The following DCC variants were observed in gnomAD, a reference collection of about 807,000 sequenced individuals.
The protein encoded by DCC is DCC netrin 1 receptor.
A neutral mutation model predicts 172.5 loss-of-function variants in DCC; 58 were observed. The observed-to-expected ratio is 0.34, with a 90% CI of 0.27 to 0.42. DCC has a LOEUF of 0.42. Among genes scored for constraint, DCC ranks in the 10% least tolerant of loss-of-function variants. The probability of loss-of-function intolerance (pLI) is 1.00; values close to 1 mark genes in which losing one functional copy is unlikely to be tolerated. For synonymous variants in DCC, 709 were observed against 644.5 expected, an observed-to-expected ratio of 1.10 and a Z score of -1.52; for missense variants, 1,740 against 1,791.0, an observed-to-expected ratio of 0.97 and a Z score of 0.51.
intron 15 of DCC, among the ~76,000 whole-genome samples, chr18:53,376,255 G>T (rs1160377052): frequency 2.6e-5 from 4 of 151,984 alleles, no homozygotes; most frequent in African/African-American, 9.7e-5. Context: ...GTGTTGGTGG[G>T]TGCCTGTACT....
intron 5 of DCC, among the ~76,000 whole-genome samples, chr18:53,022,193 A>C (rs920624074): frequency 6.6e-6 from 1 of 152,168 alleles, no homozygotes; most frequent in African/African-American, 2.4e-5. Context: ...CATGAATATA[A>C]ATTTGTAATA....
chr18:52,853,881 C>A (rs2039013964), intron 2 of DCC, among the ~76,000 whole-genome samples: 1 of 152,122 alleles, frequency 6.6e-6, no homozygotes, highest in African/African-American at 2.4e-5. Flanking sequence ...GGAGTCCCAG[C>A]CTTCAGGGTT....
Position 52,602,835 on chromosome 18 carries a change from T to C in DCC, c.92-149219T>C, listed in dbSNP as rs1300637302. On this transcript the variant is annotated intron_variant, in intron 1 of 28. Coordinates refer to ENST00000442544, the MANE Select transcript of DCC (RefSeq NM_005215.4). ...CTTTTTGCCTTATGCCTTAGGTCTA[T>C]TGGTTTAAAATTGCTTTGCACAATT... 2.6e-5 allele frequency among the ~76,000 whole-genome samples: 4 copies of C among 152,208 alleles called. No homozygotes were observed. In the East Asian group the frequency reaches 5.8e-4, roughly 22 times the overall value.
chr18:52,888,560 A>C (rs2039602182), intron 2 of DCC, among the ~76,000 whole-genome samples: 1 of 152,184 alleles, frequency 6.6e-6, no homozygotes, highest in Non-Finnish European at 1.5e-5. Context: ...GATTACTTAA[A>C]AAAAGTACTG....
chr18:53,204,367 C>A (rs995286948), intron 9 of DCC, among the ~76,000 whole-genome samples: 1 of 151,840 alleles, frequency 6.6e-6, no homozygotes, highest in Non-Finnish European at 1.5e-5. Flanking sequence ...CATAGTGAGA[C>A]CCAGTATCTA....
At chr18:53,360,523 A>C (rs1284733530) in intron 15 of DCC, among the ~76,000 whole-genome samples, 1 of 152,186 alleles carries the variant, frequency 6.6e-6, no homozygotes, top group Non-Finnish European at 1.5e-5. Context: ...CTAGGCATTT[A>C]CTGTCTCATT....
chr18:52,417,581 T>G (rs2144421497), intron 1 of DCC, among the ~76,000 whole-genome samples: 1 of 152,290 alleles, frequency 6.6e-6, no homozygotes, highest in Admixed American at 6.5e-5. Flanking sequence ...CTTTTTATTC[T>G]TTTGTCTCTA....
chr18:53,502,506 C>T (rs2046114296), intron 27 of DCC, among the ~76,000 whole-genome samples: 2 of 152,162 alleles, frequency 1.3e-5, no homozygotes, highest in African/African-American at 4.8e-5. Context: ...TAACTACATG[C>T]TTCTTAGACT....
At chr18:53,328,484 T>G (rs2057493232) in intron 14 of DCC, among the ~76,000 whole-genome samples, 2 of 138,190 alleles carry the variant, frequency 1.4e-5, no homozygotes, top group African/African-American at 4.9e-5. Context: ...CTGATTTTTC[T>G]GGTTTTGATA....
intron 2 of DCC, among the ~76,000 whole-genome samples, chr18:52,879,042 A>G (rs1359781107): frequency 6.6e-6 from 1 of 152,176 alleles, no homozygotes; most frequent in Non-Finnish European, 1.5e-5. Flanking sequence ...AGTGTACTAA[A>G]AAGACTCCCA....
intron 2 of DCC, among the ~76,000 whole-genome samples, chr18:52,796,623 A>G (rs886736528): frequency 6.6e-6 from 1 of 152,128 alleles, no homozygotes; most frequent in African/African-American, 2.4e-5. Context: ...TGTTTTATAA[A>G]GCATTTTGAA....
rs1259681044 is a variant in DCC at position 52,524,621 on chromosome 18, T to C, written c.91+183743T>C. Among the ~76,000 whole-genome samples, 8 of 152,332 alleles carry C rather than the reference T, an allele frequency of 5.3e-5. No homozygotes were observed. The East Asian group carries it at 1.5e-3, about 29-fold the overall frequency. ...CAATTATATTTCAATATTTATTTTA[T>C]AAAAATGAAGTTACTAAGAATAAAT... On this transcript the variant is annotated intron_variant, in intron 1 of 28. Coordinates refer to ENST00000442544, the MANE Select transcript of DCC (RefSeq NM_005215.4).
At chr18:53,254,711 A>T (rs2056482486) in intron 12 of DCC, among the ~76,000 whole-genome samples, 1 of 151,990 alleles carries the variant, frequency 6.6e-6, no homozygotes, top group African/African-American at 2.4e-5. Flanking sequence ...GATTATTCTG[A>T]ATGTCCCCTT....
intron 8 of DCC, among the ~76,000 whole-genome samples, chr18:53,172,944 T>A (rs142563557): frequency 3.3e-5 from 5 of 152,234 alleles, no homozygotes; most frequent in Non-Finnish European, 4.4e-5. Flanking sequence ...AATCTCACTT[T>A]CTATATGTAA....
chr18:52,948,008 A>G (rs1015727841), intron 5 of DCC, among the ~76,000 whole-genome samples: 2 of 152,202 alleles, frequency 1.3e-5, no homozygotes, highest in Non-Finnish European at 2.9e-5. Context: ...TAAAAAATAC[A>G]TTATCATGAA....
chr18:53,504,523 G>A (rs879759202), intron 27 of DCC, among the ~76,000 whole-genome samples: 3 of 152,126 alleles, frequency 2.0e-5, no homozygotes, highest in Non-Finnish European at 2.9e-5. Context: ...GTGGCTTTTT[G>A]GTAGACATCT....
intron 22 of DCC, among the ~76,000 whole-genome samples, chr18:53,445,855 A>G (rs1912563335): frequency 6.6e-6 from 1 of 152,070 alleles, no homozygotes; most frequent in African/African-American, 2.4e-5. Context: ...AATGGAACAC[A>G]TCTAGGTCTT....
At chr18:52,730,932 T>C (rs759685981) in intron 1 of DCC, among the ~76,000 whole-genome samples, 1 of 152,242 alleles carries the variant, frequency 6.6e-6, no homozygotes, top group African/African-American at 2.4e-5. Context: ...CATTATATCC[T>C]GTTGCAAACA....
chr18:52,997,779 G>A (rs2041505448), intron 5 of DCC, among the ~76,000 whole-genome samples: 1 of 152,044 alleles, frequency 6.6e-6, no homozygotes, highest in South Asian at 2.1e-4. Context: ...GTGTCCAAAC[G>A]AGTATTCGCA....
Sources: gnomAD v4.1 joint callset for allele counts (sites outside exome capture counted in the v4.1 genomes callset) on GRCh38, gnomAD v4.1.1 for gene constraint, MANE v1.5 for transcripts, NCBI Gene and HGNC (gene_info 2026-07-23, HGNC 2026-07-21) for gene names.